PPEF1: variants seen among roughly 807,000 people sequenced by gnomAD.
PPEF1 encodes protein phosphatase with EF-hand domain 1.
In PPEF1, 12 loss-of-function variants were observed where a neutral mutation model predicts 53.3. That is an observed-to-expected ratio of 0.23 (90% CI 0.14 to 0.36). The LOEUF is 0.36. PPEF1 is among the 10% of genes least tolerant of loss of function. PPEF1 has a pLI of 1.00. For missense variants in PPEF1, 334 were observed against 490.4 expected (o/e 0.68, Z 3.01); for synonymous variants, 165 against 176.7 (o/e 0.93, Z 0.52).
intron 4 of PPEF1, among the ~76,000 whole-genome samples, chrX:18,755,545 C>T (rs1011357748): frequency 9.0e-6 from 1 of 111,405 alleles, no homozygotes; most frequent in African/African-American, 3.3e-5. Flanking sequence ...CCAGCCTGGG[C>T]GACAGAGTGA....
chrX:18,701,044 GTTAT>G (rs1418651226), intron 6 of PPEF1, among the ~76,000 whole-genome samples: 1 of 111,884 alleles, frequency 8.9e-6, no homozygotes, highest in African/African-American at 3.2e-5. Context: ...CAGGGAGTGT[GTTAT>G]TTGAGTCTCA....
chrX:18,727,677 C>T (rs926563843), intron 1 of PPEF1, among the ~76,000 whole-genome samples: 1 of 110,613 alleles, frequency 9.0e-6, no homozygotes, highest in Non-Finnish European at 1.9e-5. Flanking sequence ...ACTGCCTACC[C>T]ACCCCACCCC....
intron 4 of PPEF1, among the ~76,000 whole-genome samples, 183 bp from the exon 5 acceptor site, chrX:18,757,444 C>T (rs1233797439): frequency 9.0e-6 from 1 of 110,876 alleles, no homozygotes. Context: ...TTACACACGT[C>T]GACTGAGGGC....
intron 10 of PPEF1, among the ~76,000 whole-genome samples, chrX:18,797,034 A>G (rs2046444438): frequency 9.0e-6 from 1 of 111,308 alleles, no homozygotes; most frequent in Non-Finnish European, 1.9e-5. Context: ...TCCCCAAACA[A>G]TAGAGATACA....
At chrX:18,675,300 G>C (rs1368332102), upstream of PPEF1, among the ~76,000 whole-genome samples, 1 of 113,628 alleles carries the variant, frequency 8.8e-6, no homozygotes, top group Non-Finnish European at 1.9e-5. Context: ...TTGCGCCCCC[G>C]GCAGCTTCCT....
intron 10 of PPEF1, among the ~76,000 whole-genome samples, chrX:18,802,901 T>C (rs1037828398): frequency 8.9e-6 from 1 of 112,468 alleles, no homozygotes; most frequent in Non-Finnish European, 1.9e-5. Flanking sequence ...TATTGCTGTA[T>C]TGGTTATTCA....
chrX:18,779,214 C>T (rs367736322), intron 7 of PPEF1, 38 bp downstream of exon 7: 23 of 1,113,948 alleles, frequency 2.1e-5, no homozygotes, highest in African/African-American at 7.4e-5. Context: ...TTAAAAGTTT[C>T]GCACTCTGGA....
At chrX:18,680,824 T>A (rs1928857800), upstream of PPEF1, among the ~76,000 whole-genome samples, 3 of 94,619 alleles carry the variant, frequency 3.2e-5, no homozygotes, top group African/African-American at 1.2e-4. Context: ...TGTCCATGTG[T>A]TCTCATTGTT....
At chrX:18,737,755 T>A (rs1381505026) in intron 3 of PPEF1, among the ~76,000 whole-genome samples, 1 of 110,449 alleles carries the variant, frequency 9.1e-6, no homozygotes, top group Non-Finnish European at 1.9e-5. Context: ...TGTGTGGGAG[T>A]CTAAGTCTCT....
At chrX:18,781,453 C>T (rs2046083941) in intron 7 of PPEF1, among the ~76,000 whole-genome samples, 1 of 110,917 alleles carries the variant, frequency 9.0e-6, no homozygotes, top group African/African-American at 3.3e-5. Context: ...CTCAGAAGAG[C>T]CAGGAGGAAA....
At chrX:18,696,812 C>A (rs759853356) in intron 4 of PPEF1, among the ~76,000 whole-genome samples, 52 of 111,280 alleles carry the variant, frequency 4.7e-4, no homozygotes, top group African/African-American at 1.6e-3. Flanking sequence ...GAGCTTCCCC[C>A]CTTTGGTGCT....
Position 18,823,911 on chromosome X carries a change from T to C in PPEF1, c.1502-12T>C, listed in dbSNP as rs775866202. 2.5e-6 allele frequency: 3 copies of C among 1,203,139 alleles called. No homozygotes were observed. Among genetic ancestry groups the C allele is most frequent in the Non-Finnish European group, 3.4e-6 (3 of 890,273 alleles). On this transcript the variant is annotated splice_polypyrimidine_tract_variant and intron_variant, in intron 13 of 15. Coordinates refer to ENST00000470157, the MANE Select transcript of PPEF1 (RefSeq NM_001377996.1). ...TAACAAATCATTTGGGCTTTGTTAT[T>C]GTTGTTGTTAGGAAAACTTTCTGTG... is the stretch of plus-strand genomic sequence containing the variant.
intron 4 of PPEF1, among the ~76,000 whole-genome samples, chrX:18,753,846 C>T (rs780094259): frequency 3.2e-4 from 36 of 111,004 alleles, no homozygotes; most frequent in Non-Finnish European, 5.7e-4. Flanking sequence ...AAATTCGATG[C>T]GGTTTATTCT....
At chrX:18,728,203 C>A (rs12842227) in intron 1 of PPEF1, among the ~76,000 whole-genome samples, 51,935 of 108,062 alleles carry the variant, frequency 0.48, 9,388 homozygotes, top group Non-Finnish European at 0.53. Context: ...CTCTCTCTCT[C>A]TATATATATA....
intron 13 of PPEF1, among the ~76,000 whole-genome samples, chrX:18,822,184 G>A (rs1436792052): frequency 1.8e-5 from 2 of 111,756 alleles, no homozygotes; most frequent in African/African-American, 6.5e-5. Context: ...CTAACCGTGC[G>A]GTGCTGTAGA....
At chrX:18,821,778 AG>A (rs1569273793) in intron 13 of PPEF1, among the ~76,000 whole-genome samples, 20 of 103,216 alleles carry the variant, frequency 1.9e-4, no homozygotes, top group South Asian at 4.4e-4. Flanking sequence ...AGAGAGAGAG[AG>A]AGAGAGAGAG....
intron 10 of PPEF1, among the ~76,000 whole-genome samples, chrX:18,794,269 T>C (rs2046383060): frequency 9.0e-6 from 1 of 111,184 alleles, no homozygotes; most frequent in South Asian, 3.8e-4. Context: ...GTACTGTTAC[T>C]ACTAGTATCT....
chrX:18,758,688 C>A (rs1005434181), intron 5 of PPEF1, among the ~76,000 whole-genome samples: 1 of 110,856 alleles, frequency 9.0e-6, no homozygotes, highest in Non-Finnish European at 1.9e-5. Flanking sequence ...CCTCACCTGG[C>A]CTTTTCATGG....
intron 1 of PPEF1, among the ~76,000 whole-genome samples, chrX:18,720,013 A>G (rs776886442): frequency 3.6e-5 from 4 of 111,929 alleles, no homozygotes; most frequent in African/African-American, 6.5e-5. Flanking sequence ...GATGAGCACC[A>G]CATGCCTTCT....
Sources: gnomAD v4.1 joint callset for allele counts (sites outside exome capture counted in the v4.1 genomes callset) on GRCh38, gnomAD v4.1.1 for gene constraint, MANE v1.5 for transcripts, NCBI Gene and HGNC (gene_info 2026-07-23, HGNC 2026-07-21) for gene names.